Variants in PUM3 observed in about 807,000 individuals in gnomAD.
PUM3 encodes the protein pumilio homolog 3.
Under a neutral mutation model 84.0 loss-of-function variants are expected in PUM3, and 91 were observed. The ratio of observed to expected loss-of-function variants is 1.08; its 90% CI spans 0.91 to 1.29. The LOEUF is 1.29. Ranked by LOEUF, PUM3 falls within the 50% of genes most tolerant of loss-of-function variation. PUM3 has a pLI of 0.00. For missense variants in PUM3, 1,067 were observed against 767.5 expected, an observed-to-expected ratio of 1.39 and a Z score of -4.61; for synonymous variants, 321 against 266.7, an observed-to-expected ratio of 1.20 and a Z score of -1.98.
chr9:2,829,884 G>T lies in PUM3; in HGVS notation c.742C>A (p.His248Asn), dbSNP rs753311824. 1.2e-6 allele frequency: 2 copies of T among 1,613,872 alleles called. 1 individual carries two copies. Among genetic ancestry groups the T allele is most frequent in the African/African-American group, 2.7e-5 (2 of 74,920 alleles). Residue 248 changes from histidine to asparagine, a missense_variant, in exon 8 of 18, where the codon CAT (histidine) becomes AAT (asparagine). Transcript: ENST00000397885. ...FKGHVRKMLR[H>N]AEASAIVEYA... ...TCCACGATGGCTGATGCTTCCGCATGCCGCAGCATCTTCCTCACGTGGCCT... is the reference window on the plus strand; with the variant it reads ...TCCACGATGGCTGATGCTTCCGCATTCCGCAGCATCTTCCTCACGTGGCCT...
At chr9:2,826,482 T>C (rs921990422) in intron 10 of PUM3, among the ~76,000 whole-genome samples, 1 of 152,202 alleles carries the variant, frequency 6.6e-6, no homozygotes, top group Non-Finnish European at 1.5e-5. Context: ...GTCAGTCTCA[T>C]TATTTTCATT....
intron 13 of PUM3, among the ~76,000 whole-genome samples, chr9:2,816,098 T>C (rs1288117840): frequency 6.6e-6 from 1 of 151,968 alleles, no homozygotes; most frequent in East Asian, 1.9e-4. Context: ...AATGTAAAAA[T>C]CAACCCATCC....
chr9:2,814,411 A>T (rs1821431759), intron 13 of PUM3, among the ~76,000 whole-genome samples: 1 of 152,104 alleles, frequency 6.6e-6, no homozygotes, highest in Admixed American at 6.5e-5. Flanking sequence ...GGGTTTCGCC[A>T]TGTTGGCCAG....
At chr9:2,840,008 C>A (rs1816227121) in intron 1 of PUM3, among the ~76,000 whole-genome samples, 1 of 152,180 alleles carries the variant, frequency 6.6e-6, no homozygotes, top group Admixed American at 6.5e-5. Context: ...CCAGGATACA[C>A]TGAATCTGGC....
Position 2,811,345 on chromosome 9 carries a change from T to G in PUM3, c.1635+16A>C, listed in dbSNP as rs757013848. ...GCCTTTGCAGCTTTCCTGCCTGTGC[T>G]TTAATGGCACATTACCTCTCCGTCC... On this transcript the variant is annotated intron_variant, in intron 15 of 17. Coordinates refer to ENST00000397885, the MANE Select transcript of PUM3 (RefSeq NM_014878.5). 26 of 1,611,904 alleles carry G rather than the reference T, an allele frequency of 1.6e-5. No individual in the cohort carries two copies. The Admixed American group carries it at 2.3e-4, about 14-fold the overall frequency.
At chr9:2,840,623 C>T (rs1357516015) in intron 1 of PUM3, among the ~76,000 whole-genome samples, 1 of 152,232 alleles carries the variant, frequency 6.6e-6, no homozygotes, top group East Asian at 1.9e-4. Flanking sequence ...ATATTTATTT[C>T]ATTCCTTGGT....
intron 2 of PUM3, among the ~76,000 whole-genome samples, chr9:2,837,980 G>A (rs960748681): frequency 1.3e-5 from 2 of 152,088 alleles, no homozygotes; most frequent in African/African-American, 4.8e-5. Context: ...AACAGTAATG[G>A]CTAACATTAA....
intron 2 of PUM3, 89 bp from the exon 3 acceptor site, chr9:2,837,490 T>C: frequency 1.2e-6 from 1 of 824,916 alleles, no homozygotes; most frequent in Non-Finnish European, 1.9e-6. Context: ...AAATTATACT[T>C]TTTAATCCCA....
Position 2,818,072 on chromosome 9 carries a change from G to T in PUM3, c.1269+1946C>A, listed in dbSNP as rs562725152. Among the ~76,000 whole-genome samples, 3 of 152,328 alleles carry T rather than the reference G, an allele frequency of 2.0e-5. No individual in the cohort carries two copies. In the South Asian group the frequency reaches 6.2e-4, roughly 32 times the overall value. On this transcript the variant is annotated intron_variant, in intron 13 of 17. Coordinates refer to ENST00000397885, the MANE Select transcript of PUM3 (RefSeq NM_014878.5). ...TTCAACCTGACATTTTGGGAAGTCT[G>T]GTGCCCTGAACAGAGTGCTTAGCAA...
At chr9:2,823,064 T>C (rs1013792774) in intron 12 of PUM3, among the ~76,000 whole-genome samples, 5 of 151,948 alleles carry the variant, frequency 3.3e-5, no homozygotes, top group African/African-American at 7.2e-5. Flanking sequence ...ATCAATAAAT[T>C]AGAAATTTGT....
chr9:2,820,847 C>A (rs1821574626), intron 12 of PUM3, among the ~76,000 whole-genome samples: 1 of 152,096 alleles, frequency 6.6e-6, no homozygotes, highest in Admixed American at 6.6e-5. Context: ...TTCCATGATG[C>A]TAATACTGTT....
intron 6 of PUM3, 74 bp from the exon 7 acceptor site, chr9:2,831,102 T>A: frequency 2.0e-6 from 2 of 996,080 alleles, no homozygotes; most frequent in Admixed American, 5.1e-5. Context: ...AGGAAATTTG[T>A]CCCAGGCAAG....
At chr9:2,831,147 C>G in intron 6 of PUM3, 104 bp downstream of exon 6, 1 of 1,003,960 alleles carries the variant, frequency 1.0e-6, no homozygotes. Context: ...CTGGAGAAGA[C>G]AAACCTAAAC....
Position 2,827,127 on chromosome 9 carries a change from C to A in PUM3, c.981G>T (p.Leu327Phe). The change falls in exon 10 of 18, where the codon TTG becomes TTT. Residue 327 changes from leucine to phenylalanine, a missense_variant. Coordinates refer to ENST00000397885, the MANE Select transcript of PUM3 (RefSeq NM_014878.5). ...AQKEAVIKHS[L>F]VHKVFLDFFT... ...AAAAGTCCAAGAATACTTTATGCACCAATGAGTGCTTAATCACAGCTTCCC... is the reference window on the plus strand; with the variant it reads ...AAAAGTCCAAGAATACTTTATGCACAAATGAGTGCTTAATCACAGCTTCCC... 1 of 1,607,820 alleles carries A rather than the reference C, an allele frequency of 6.2e-7. No homozygotes were observed. Among genetic ancestry groups the A allele is most frequent in the Non-Finnish European group, 8.5e-7 (1 of 1,177,498 alleles).
At chr9:2,812,116 G>T (rs559695146) in intron 14 of PUM3, 104 bp downstream of exon 14, 3 of 900,182 alleles carry the variant, frequency 3.3e-6, no homozygotes, top group Non-Finnish European at 5.3e-6. Context: ...CACCTTTTCA[G>T]CAGTTTTAGA....
At chr9:2,811,064 A>G (rs1821357296) in intron 15 of PUM3, among the ~76,000 whole-genome samples, 1 of 152,186 alleles carries the variant, frequency 6.6e-6, no homozygotes, top group Admixed American at 6.5e-5. Context: ...TCTAAGATCC[A>G]TGGCCCACTT....
chr9:2,815,117 G>C (rs953586299), intron 13 of PUM3, among the ~76,000 whole-genome samples: 6 of 152,072 alleles, frequency 3.9e-5, no homozygotes, highest in African/African-American at 1.4e-4. Context: ...TTGTAATTAA[G>C]GAATTTAGAA....
Position 2,807,920 on chromosome 9 carries a change from A to G in PUM3, c.1724-16T>C. ...GCAAAACAACCTGTAAAATATACTG[A>G]AGCTTAGTGAACATCACATAATAAG... is the stretch of plus-strand genomic sequence containing the variant. On this transcript the variant is annotated splice_polypyrimidine_tract_variant and intron_variant, in intron 16 of 17. Coordinates refer to ENST00000397885, the MANE Select transcript of PUM3 (RefSeq NM_014878.5). 1.3e-6 allele frequency: 2 copies of G among 1,505,580 alleles called. No individual in the cohort carries two copies. The highest frequency in any genetic ancestry group is 1.8e-6 in the Non-Finnish European group (2 of 1,082,306). 93.3% of individuals were successfully genotyped at this position (1,505,580 alleles called of 1,614,324 possible). A position where few individuals can be genotyped will look rare whatever the true frequency, so the allele number is the denominator to read the frequency against.
intron 17 of PUM3, among the ~76,000 whole-genome samples, chr9:2,806,792 T>A (rs1821266932): frequency 6.6e-6 from 1 of 152,232 alleles, no homozygotes; most frequent in African/African-American, 2.4e-5. Flanking sequence ...CACACTTCAG[T>A]AGCAAATGCT....
Sources: allele counts gnomAD v4.1 joint callset (sites outside exome capture counted in the v4.1 genomes callset), GRCh38; gene constraint gnomAD v4.1.1; transcripts MANE v1.5; gene names NCBI Gene and HGNC (gene_info 2026-07-23, HGNC 2026-07-21).